The following SLIT3 variants were observed in gnomAD, a reference collection of about 807,000 sequenced individuals.
SLIT3 encodes the protein slit homolog 3 protein.
A neutral mutation model predicts 184.0 loss-of-function variants in SLIT3; 68 were observed. The observed-to-expected ratio is 0.37, with a 90% CI of 0.30 to 0.45. The LOEUF is 0.45. Ranked by LOEUF, SLIT3 falls within the 20% of genes least tolerant of loss-of-function variation. The pLI, the probability that SLIT3 is intolerant of heterozygous loss-of-function variation, is 1.00. For missense variants in SLIT3, 1,707 were observed against 2,026.0 expected, an observed-to-expected ratio of 0.84 and a Z score of 3.02; for synonymous variants, 831 against 828.6, an observed-to-expected ratio of 1.00 and a Z score of -0.05.
chr5:169,179,038 G>A (rs1449781243), intron 4 of SLIT3, among the ~76,000 whole-genome samples: 1 of 152,126 alleles, frequency 6.6e-6, no homozygotes, highest in African/African-American at 2.4e-5. Context: ...TAGGTTGGTG[G>A]TACAGCTTTA....
At position 168,743,051 on chromosome 5, in the gene SLIT3, G is replaced by A. The variant is rs74290730; in HGVS notation, c.2270+5251C>T. ...AGAGGCTAAGCCAGGAAAATGGCAT[G>A]AACCCTGGAGGTTCACGCCATGTGC... On this transcript the variant is annotated intron_variant, in intron 20 of 35. Transcript: ENST00000519560. Among the ~76,000 whole-genome samples, 28 of 152,284 alleles carry A rather than the reference G, an allele frequency of 1.8e-4. No homozygotes were observed. In the East Asian group the frequency reaches 4.2e-3, roughly 23 times the overall value.
intron 5 of SLIT3, among the ~76,000 whole-genome samples, chr5:168,871,563 A>C (rs1230142307): frequency 6.6e-6 from 1 of 152,106 alleles, no homozygotes; most frequent in African/African-American, 2.4e-5. Flanking sequence ...CCCCACTCAA[A>C]GAAATAACAG....
intron 7 of SLIT3, among the ~76,000 whole-genome samples, chr5:168,820,182 A>G (rs1757477656): frequency 1.3e-5 from 2 of 152,178 alleles, no homozygotes; most frequent in Non-Finnish European, 2.9e-5. Flanking sequence ...ATTACTTTCA[A>G]TAGTTTTGGT....
At chr5:168,686,019 G>A (rs936285279) in intron 30 of SLIT3, 92 bp from the exon 31 acceptor site, 5 of 1,389,610 alleles carry the variant, frequency 3.6e-6, no homozygotes, top group Non-Finnish European at 4.8e-6. Flanking sequence ...CGAGCAGAGA[G>A]GTAGAGTGAG....
chr5:168,789,846 G>T (rs558855131), intron 10 of SLIT3: 6 of 522,220 alleles, frequency 1.1e-5, no homozygotes, highest in African/African-American at 3.8e-5. Flanking sequence ...CACTCTTCTT[G>T]GTTTTCAAAG....
At chr5:168,842,265 T>C (rs566889820) in intron 6 of SLIT3, among the ~76,000 whole-genome samples, 1 of 152,286 alleles carries the variant, frequency 6.6e-6, no homozygotes, top group South Asian at 2.1e-4. Flanking sequence ...TAATTTTAAG[T>C]ACTTAGCCAT....
chr5:168,908,554 C>A (rs1017233650), intron 4 of SLIT3, among the ~76,000 whole-genome samples: 2 of 152,136 alleles, frequency 1.3e-5, no homozygotes, highest in Non-Finnish European at 1.5e-5. Flanking sequence ...AGAAGGGAAG[C>A]AGTGCTCTGG....
chr5:169,155,614 T>C (rs987130690), intron 4 of SLIT3, among the ~76,000 whole-genome samples: 5 of 152,196 alleles, frequency 3.3e-5, no homozygotes, highest in Non-Finnish European at 7.3e-5. Context: ...TCTATGCTTC[T>C]GGGTAACCTG....
At position 169,272,962 on chromosome 5, in the gene SLIT3, C is replaced by T. The variant is rs548211272; in HGVS notation, c.198-21503G>A. ...GTGGGAGCCCAGGCATGACCTTTCCCGTTGCTCTCAGCCAGCTCATGGGTC... is the reference window on the plus strand; with the variant it reads ...GTGGGAGCCCAGGCATGACCTTTCCTGTTGCTCTCAGCCAGCTCATGGGTC... On this transcript the variant is annotated intron_variant, in intron 1 of 35. Coordinates refer to ENST00000519560, the MANE Select transcript of SLIT3 (RefSeq NM_003062.4). Among the ~76,000 whole-genome samples, 20 of 152,286 alleles carry T rather than the reference C, an allele frequency of 1.3e-4. No homozygotes were observed. The South Asian group carries it at 3.5e-3, about 27-fold the overall frequency.
At position 169,158,223 on chromosome 5, in the gene SLIT3, G is replaced by T. The variant is rs144309381; in HGVS notation, c.413+35256C>A. On this transcript the variant is annotated intron_variant, in intron 4 of 35. Transcript: ENST00000519560. ...ACAAAATCTTGAAACCAGCAAGAGA[G>T]AAACAATACTTTACTGACTTACCTA... Among the ~76,000 whole-genome samples the T allele has an allele frequency of 3.0e-4, 46 of 152,206 alleles. No individual in the cohort carries two copies. In the East Asian group the frequency reaches 8.7e-3, roughly 29 times the overall value.
At chr5:169,047,664 C>T (rs939879563) in intron 4 of SLIT3, among the ~76,000 whole-genome samples, 1 of 152,166 alleles carries the variant, frequency 6.6e-6, no homozygotes, top group Non-Finnish European at 1.5e-5. Flanking sequence ...CCCCCGACTA[C>T]ACTGTCACTC....
intron 4 of SLIT3, among the ~76,000 whole-genome samples, chr5:169,149,105 A>G (rs2113364215): frequency 6.6e-6 from 1 of 152,312 alleles, no homozygotes; most frequent in Middle Eastern, 3.4e-3. Context: ...CTTAACTCTA[A>G]ATTCCATGGC....
At chr5:168,969,929 G>T (rs62377240) in intron 4 of SLIT3, among the ~76,000 whole-genome samples, 2 of 152,076 alleles carry the variant, frequency 1.3e-5, no homozygotes, top group Non-Finnish European at 2.9e-5. Flanking sequence ...CGCCTGTAAC[G>T]CCAGCACTTT....
intron 30 of SLIT3, among the ~76,000 whole-genome samples, chr5:168,686,343 GA>G (rs1761744506): frequency 6.6e-6 from 1 of 152,158 alleles, no homozygotes; most frequent in African/African-American, 2.4e-5. Flanking sequence ...CCTACCCATG[GA>G]AAGATGAATG....
intron 4 of SLIT3, among the ~76,000 whole-genome samples, chr5:169,089,245 G>T (rs561400879): frequency 1.3e-5 from 2 of 152,154 alleles, no homozygotes; most frequent in African/African-American, 2.4e-5. Flanking sequence ...ACCACTGTGT[G>T]TAAGGACCTC....
At chr5:169,253,818 C>T (rs111964980) in intron 1 of SLIT3, among the ~76,000 whole-genome samples, 5,900 of 152,164 alleles carry the variant, frequency 0.039, 150 homozygotes, top group East Asian at 0.09. Context: ...TCTCTTCCTA[C>T]GGGTAAAAAA....
In SLIT3 at chr5:168,666,791, C is replaced by G. The variant is rs753333460; in HGVS notation, c.4337-102G>C. The G allele has an allele frequency of 1.3e-5, 21 of 1,561,592 alleles. No individual in the cohort carries two copies. In the South Asian group the frequency reaches 2.0e-4, roughly 15 times the overall value. ...CTTTGAAATACTTGTGCTCTGAAGA[C>G]TGTAAGAATTTATTCACTCATCCAT... is the stretch of plus-strand genomic sequence containing the variant. On this transcript the variant is annotated intron_variant, in intron 35 of 35. Coordinates refer to ENST00000519560, the MANE Select transcript of SLIT3 (RefSeq NM_003062.4).
intron 4 of SLIT3, among the ~76,000 whole-genome samples, chr5:169,155,639 T>C (rs1762277165): frequency 6.6e-6 from 1 of 152,302 alleles, no homozygotes; most frequent in Non-Finnish European, 1.5e-5. Context: ...ACTTGGCTCT[T>C]TGGAGGAAAC....
rs184965582 is a variant in SLIT3, at chr5:168,734,360, C to G, written c.2271-9876G>C. Among the ~76,000 whole-genome samples, 334 of 152,280 alleles carry G rather than the reference C, an allele frequency of 2.2e-3. 4 individuals are homozygous for G. Among genetic ancestry groups the G allele is most frequent in the Non-Finnish European group, 2.5e-3 (173 of 68,020 alleles). ...CATCTTTTATCAGACTTTCCCTTGA[C>G]CTCTGGTTCCAACTCCACTGGCCTT... is the stretch of plus-strand genomic sequence containing the variant. On this transcript the variant is annotated intron_variant, in intron 20 of 35. Transcript: ENST00000519560.
Sources: gnomAD v4.1 joint callset for allele counts (sites outside exome capture counted in the v4.1 genomes callset) on GRCh38, gnomAD v4.1.1 for gene constraint, MANE v1.5 for transcripts, NCBI Gene and HGNC (gene_info 2026-07-23, HGNC 2026-07-21) for gene names.